The following DYNC2I1 variants were observed in gnomAD, a reference collection of about 807,000 sequenced individuals.
DYNC2I1 encodes the protein dynein 2 intermediate chain 1, also known as cytoplasmic dynein 2 intermediate chain 1.
DYNC2I1 carries 89 observed loss-of-function variants against 133.4 expected under a neutral mutation model. That is an observed-to-expected ratio of 0.67 (90% confidence interval 0.56 to 0.80). The LOEUF is 0.80. Ranked by LOEUF, DYNC2I1 falls within the 30% of genes least tolerant of loss-of-function variation. The pLI, the probability that DYNC2I1 is intolerant of heterozygous loss-of-function variation, is 0.00. For synonymous variants in DYNC2I1, 504 were observed against 484.3 expected (o/e 1.04, Z -0.54); for missense variants, 1,291 against 1,314.5 (o/e 0.98, Z 0.28).
chr7:158,850,721 A>G, the DYNC2I1 span, among the ~76,000 whole-genome samples: 1 of 152,230 alleles, frequency 6.6e-6, no homozygotes, highest in Non-Finnish European at 1.5e-5. Flanking sequence ...TTTGGACCAG[A>G]GAATTTCCGC....
chr7:158,919,664 C>G (rs1440289066), intron 15 of DYNC2I1, among the ~76,000 whole-genome samples: 1 of 152,230 alleles, frequency 6.6e-6, no homozygotes, highest in African/African-American at 2.4e-5. Flanking sequence ...TTCTTCCGTC[C>G]TGCCTGCTAT....
intron 8 of DYNC2I1, among the ~76,000 whole-genome samples, chr7:158,892,822 T>A (rs1845365423): frequency 6.6e-6 from 1 of 151,240 alleles, no homozygotes; most frequent in South Asian, 2.1e-4. Context: ...GTGCCTGTAA[T>A]CCCAGCTGCT....
intron 21 of DYNC2I1, among the ~76,000 whole-genome samples, chr7:158,931,547 C>T (rs1222937403): frequency 6.6e-6 from 1 of 152,200 alleles, no homozygotes; most frequent in Non-Finnish European, 1.5e-5. Context: ...TTCTTTACGA[C>T]TTTTTATCTC....
intron 4 of DYNC2I1, among the ~76,000 whole-genome samples, chr7:158,953,478 T>C (rs1852114518): frequency 6.6e-6 from 1 of 152,236 alleles, no homozygotes; most frequent in African/African-American, 2.4e-5. Flanking sequence ...GGTACTTTGA[T>C]ACAAATATAA....
chr7:158,918,381 A>G (rs763974993), intron 14 of DYNC2I1, among the ~76,000 whole-genome samples: 1 of 152,096 alleles, frequency 6.6e-6, no homozygotes, highest in Non-Finnish European at 1.5e-5. Context: ...CTGGCTTTTT[A>G]CCAAAACCCA....
chr7:158,884,260 G>A (rs1272455718), intron 5 of DYNC2I1, among the ~76,000 whole-genome samples: 2 of 149,758 alleles, frequency 1.3e-5, no homozygotes, highest in African/African-American at 2.5e-5. Flanking sequence ...GGTCAGGCTC[G>A]TCTATAACTC....
intron 16 of DYNC2I1, 147 bp from the exon 17 acceptor site, chr7:158,923,424 A>T (rs1440210768): frequency 2.0e-6 from 2 of 1,023,368 alleles, no homozygotes; most frequent in Non-Finnish European, 2.9e-6. Flanking sequence ...ATTTCTGTGC[A>T]GGAGTCTACG....
chr7:158,839,312 A>C, the DYNC2I1 span, among the ~76,000 whole-genome samples: 2 of 145,452 alleles, frequency 1.4e-5, 1 homozygote, highest in Admixed American at 1.3e-4. Flanking sequence ...GAGGATGCTA[A>C]TGTAACTCCG....
the DYNC2I1 span, among the ~76,000 whole-genome samples, chr7:158,847,554 G>A: frequency 1.3e-5 from 2 of 152,246 alleles, no homozygotes; most frequent in Non-Finnish European, 1.5e-5. Context: ...AGCTACCAGT[G>A]GGATTCTGAG....
downstream of DYNC2I1, among the ~76,000 whole-genome samples, chr7:158,950,022 C>T (rs571847516): frequency 4.6e-5 from 7 of 152,242 alleles, no homozygotes; most frequent in Non-Finnish European, 8.8e-5. Context: ...CTGCCTGCCT[C>T]GGCCTCCCAA....
intron 17 of DYNC2I1, among the ~76,000 whole-genome samples, chr7:158,924,631 A>G (rs769220993): frequency 6.6e-6 from 1 of 151,558 alleles, no homozygotes; most frequent in Non-Finnish European, 1.5e-5. Context: ...TATCTTTTAA[A>G]TAAATAATCT....
chr7:158,930,268 C>A (rs1850087432), intron 20 of DYNC2I1, among the ~76,000 whole-genome samples, 187 bp from the exon 21 acceptor site: 1 of 152,164 alleles, frequency 6.6e-6, no homozygotes, highest in Non-Finnish European at 1.5e-5. Context: ...ATTCTCGATT[C>A]TTCTCCTAAG....
rs904770384 is a variant in DYNC2I1 at position 158,901,633 on chromosome 7, G to A, written c.1060-106G>A. The A allele has an allele frequency of 1.7e-5, 12 of 710,552 alleles. No individual in the cohort carries two copies. The African/African-American group carries it at 2.2e-4, about 13-fold the overall frequency. The allele number at this position is 710,552 out of a possible 1,614,324, so 44.0% of individuals were successfully genotyped here. A position where few individuals can be genotyped will look rare whatever the true frequency, so the allele number is the denominator to read the frequency against. On this transcript the variant is annotated intron_variant, in intron 8 of 24. Coordinates refer to ENST00000407559, the MANE Select transcript of DYNC2I1 (RefSeq NM_018051.5). The stretch of plus-strand genomic sequence containing the variant: ...TACAAATACCTAGAGTTTAAAATTA[G>A]CAACATCAAAGGAATGTCAGAAAAC...
chr7:158,955,885 C>T (rs900549506), intron 4 of DYNC2I1, among the ~76,000 whole-genome samples: 3 of 152,188 alleles, frequency 2.0e-5, no homozygotes, highest in South Asian at 2.1e-4. Flanking sequence ...GGCACAGAGA[C>T]GAGAAGTAGA....
intron 1 of DYNC2I1, among the ~76,000 whole-genome samples, chr7:158,868,984 G>A (rs1290617186): frequency 6.6e-6 from 1 of 152,226 alleles, no homozygotes; most frequent in Non-Finnish European, 1.5e-5. Flanking sequence ...AGGCTGTGGT[G>A]TGAGACAACA....
Position 158,875,930 on chromosome 7 carries a change from A to G in DYNC2I1, c.491-679A>G, listed in dbSNP as rs10247498. On this transcript the variant is annotated intron_variant, in intron 3 of 24. Coordinates refer to ENST00000407559, the MANE Select transcript of DYNC2I1 (RefSeq NM_018051.5). ...ATGAGTTTGGTCTGGTGCCCTCTTGAATTTCCAAGGGTTACTCAGACATTT... is the reference window on the plus strand; with the variant it reads ...ATGAGTTTGGTCTGGTGCCCTCTTGGATTTCCAAGGGTTACTCAGACATTT... Among the ~76,000 whole-genome samples the G allele has an allele frequency of 3.6e-3, 541 of 152,276 alleles. 9 individuals carry two copies. Among genetic ancestry groups the G allele is most frequent in the African/African-American group, 0.012 (488 of 41,548 alleles).
rs1319660082 is a variant in DYNC2I1 at position 158,934,162 on chromosome 7, TACACAA to T, written c.2585_2590del (p.Gln862_Thr863del). The T allele has an allele frequency of 6.2e-7, 1 of 1,612,648 alleles. No individual in the cohort carries two copies. The highest frequency in any genetic ancestry group is 2.2e-5 in the East Asian group (1 of 44,844). ...ATAAAGGTAATGAATTTTGGGGCAC[TACACAA>T]ACACTGAATGTTAAATTTCTGCCTT... is the stretch of plus-strand genomic sequence containing the variant. On this transcript the variant is annotated inframe_deletion, in exon 22 of 25. Coordinates refer to ENST00000407559, the MANE Select transcript of DYNC2I1 (RefSeq NM_018051.5).
chr7:158,953,718 G>A (rs1852119505), intron 4 of DYNC2I1, among the ~76,000 whole-genome samples: 2 of 151,954 alleles, frequency 1.3e-5, no homozygotes, highest in African/African-American at 2.4e-5. Context: ...ATGCGTGTGT[G>A]TATATATATG....
At chr7:158,855,800 G>T (rs1448324326), upstream of DYNC2I1, among the ~76,000 whole-genome samples, 2 of 152,114 alleles carry the variant, frequency 1.3e-5, no homozygotes, top group South Asian at 2.1e-4. Flanking sequence ...GAGAGTTTTT[G>T]ATTTTCCCTT....
Sources: gnomAD v4.1 joint callset for allele counts (sites outside exome capture counted in the v4.1 genomes callset) on GRCh38, gnomAD v4.1.1 for gene constraint, MANE v1.5 for transcripts, NCBI Gene and HGNC (gene_info 2026-07-23, HGNC 2026-07-21) for gene names.